PLEKHG1: variants seen among roughly 807,000 people sequenced by gnomAD.
PLEKHG1 encodes the protein pleckstrin homology and RhoGEF domain containing G1.
In PLEKHG1, 44 loss-of-function variants were observed where a neutral mutation model predicts 100.8. That is an observed-to-expected ratio of 0.44 (90% confidence interval 0.34 to 0.56). The LOEUF (loss-of-function observed/expected upper bound fraction) is 0.56. Ranked by LOEUF, PLEKHG1 falls within the 20% of genes least tolerant of loss-of-function variation. PLEKHG1 has a pLI of 0.01. For synonymous variants in PLEKHG1, 640 were observed against 662.5 expected (o/e 0.97, Z 0.52); for missense variants, 1,545 against 1,720.9 (o/e 0.90, Z 1.81).
chr6:150,786,335 G>T (rs1046035093), intron 3 of PLEKHG1, 55 bp from the exon 5 acceptor site: 3 of 1,109,168 alleles, frequency 2.7e-6, no homozygotes, highest in African/African-American at 3.1e-5. Flanking sequence ...TATACAAAAT[G>T]TACTCACCCA....
chr6:150,707,641 C>T (rs1347371018), intron 3 of PLEKHG1, among the ~76,000 whole-genome samples: 1 of 152,028 alleles, frequency 6.6e-6, no homozygotes, highest in Non-Finnish European at 1.5e-5. Context: ...TTTTTTGGCA[C>T]CCCAACCCCA....
At chr6:150,807,698 G>A (rs1399925441) in intron 7 of PLEKHG1, among the ~76,000 whole-genome samples, 3 of 152,168 alleles carry the variant, frequency 2.0e-5, no homozygotes, top group Admixed American at 6.5e-5. Flanking sequence ...TCTAGGCCAG[G>A]CGCCGGGGCT....
intron 3 of PLEKHG1, among the ~76,000 whole-genome samples, chr6:150,700,936 GCTTGT>G (rs1223074183): frequency 0.033 from 5,085 of 152,174 alleles, 269 homozygotes; most frequent in African/African-American, 0.12. Flanking sequence ...GGGGGTTATA[GCTTGT>G]ATAGCTTTAT....
chr6:150,644,079 G>A (rs1338610743), intron 2 of PLEKHG1, among the ~76,000 whole-genome samples: 1 of 151,944 alleles, frequency 6.6e-6, no homozygotes, highest in African/African-American at 2.4e-5. Context: ...CGAATTTTGA[G>A]GTATTTAAAT....
At chr6:150,823,313 A>G (rs1776409714) in intron 13 of PLEKHG1, among the ~76,000 whole-genome samples, 1 of 152,236 alleles carries the variant, frequency 6.6e-6, no homozygotes, top group South Asian at 2.1e-4. Flanking sequence ...ATCTTTACAT[A>G]ATTGTCATGG....
chr6:150,641,876 C>CAAAAAAAA (rs71554473), intron 2 of PLEKHG1, among the ~76,000 whole-genome samples: 1,581 of 76,698 alleles, frequency 0.021, 2 homozygotes, highest in East Asian at 0.034. Flanking sequence ...TGTGAAAAGG[C>CAAAAAAAA]AAAAAAAAAA....
chr6:150,614,708 C>T (rs755494414), intron 1 of PLEKHG1, among the ~76,000 whole-genome samples: 60 of 152,186 alleles, frequency 3.9e-4, no homozygotes, highest in African/African-American at 1.4e-3. Flanking sequence ...CTCTCTCATT[C>T]GCTCTTTAGG....
chr6:150,777,267 C>T (rs570010879), intron 3 of PLEKHG1, among the ~76,000 whole-genome samples: 1 of 148,724 alleles, frequency 6.7e-6, no homozygotes, highest in Non-Finnish European at 1.5e-5. Context: ...TCCTGGTGCA[C>T]ATGTGCGGTT....
At chr6:150,702,921 C>T (rs190826926) in intron 3 of PLEKHG1, among the ~76,000 whole-genome samples, 70 of 152,258 alleles carry the variant, frequency 4.6e-4, no homozygotes, top group Admixed American at 2.6e-3. Context: ...CACTTCCTCC[C>T]GTGGGCTAGC....
intron 13 of PLEKHG1, among the ~76,000 whole-genome samples, chr6:150,821,498 A>G (rs916249475): frequency 5.3e-5 from 8 of 152,116 alleles, no homozygotes; most frequent in Non-Finnish European, 1.2e-4. Context: ...AGCCTGGCCA[A>G]CATGGTGAAA....
At chr6:150,715,105 C>T (rs945946323) in intron 3 of PLEKHG1, among the ~76,000 whole-genome samples, 1 of 151,968 alleles carries the variant, frequency 6.6e-6, no homozygotes, top group Non-Finnish European at 1.5e-5. Context: ...GGCCTACTGA[C>T]AGGTATTTTT....
At position 150,831,938 on chromosome 6, in the gene PLEKHG1, A is replaced by G. The variant is rs771458348; in HGVS notation, c.2827A>G (p.Met943Val). ...TTCTCTGGCTAGTGAAATGCCCCTC[A>G]TGGACAATCCCTACGACCTGGCCAA... The change falls in exon 15 of 16, where the codon ATG becomes GTG. Residue 943 changes from methionine to valine, a missense_variant. By Grantham distance (21) the Met-to-Val change is conservative (BLOSUM62 1). Transcript: ENST00000358517. This position sits in a 1 kb window ranked among gnomAD's most constrained non-coding sequence, Gnocchi z 4.1. 2 of 1,614,000 alleles carry G rather than the reference A, an allele frequency of 1.2e-6. No homozygotes were observed. The highest frequency in any genetic ancestry group is 4.5e-5 in the East Asian group (2 of 44,882).
At chr6:150,674,102 A>G (rs1357222033) in intron 3 of PLEKHG1, among the ~76,000 whole-genome samples, 1 of 152,194 alleles carries the variant, frequency 6.6e-6, no homozygotes, top group Admixed American at 6.5e-5. Context: ...GTATCAGCCT[A>G]TCAGTGTTTA....
chr6:150,764,560 A>G (rs1184159608), intron 2 of PLEKHG1, among the ~76,000 whole-genome samples: 1 of 152,112 alleles, frequency 6.6e-6, no homozygotes, highest in Non-Finnish European at 1.5e-5. Context: ...CCCCACCCTC[A>G]AGGGTCTGTG....
intron 3 of PLEKHG1, among the ~76,000 whole-genome samples, chr6:150,698,486 A>G (rs76154200): frequency 0.12 from 10,649 of 89,108 alleles, 455 homozygotes; most frequent in South Asian, 0.26. Context: ...GCGTGTGTAT[A>G]CAATACTATA....
chr6:150,676,579 C>T (rs895061733), intron 3 of PLEKHG1, among the ~76,000 whole-genome samples: 6 of 152,090 alleles, frequency 3.9e-5, no homozygotes, highest in South Asian at 2.1e-4. Flanking sequence ...TTTATCCCGA[C>T]GGTGTCATGA....
intron 1 of PLEKHG1, among the ~76,000 whole-genome samples, chr6:150,637,831 A>G (rs1778075288): frequency 6.6e-6 from 1 of 152,230 alleles, no homozygotes; most frequent in South Asian, 2.1e-4. Flanking sequence ...TTTTCTCCCC[A>G]CTAATATTAA....
chr6:150,620,191 G>A (rs149336309), intron 1 of PLEKHG1, among the ~76,000 whole-genome samples: 89 of 151,980 alleles, frequency 5.9e-4, no homozygotes, highest in South Asian at 5.0e-3. Context: ...GGGGATTTTC[G>A]TGTGGGTGAA....
chr6:150,639,952 C>T (rs275344), intron 2 of PLEKHG1, among the ~76,000 whole-genome samples: 40,521 of 152,126 alleles, frequency 0.27, 5,419 homozygotes, highest in South Asian at 0.33. Flanking sequence ...GAGGTTTCTA[C>T]GCAACTCTGT....
Sources: gnomAD v4.1 joint callset for allele counts (sites outside exome capture counted in the v4.1 genomes callset) on GRCh38, gnomAD v4.1.1 for gene constraint, Gnocchi (gnomAD v3.1) non-coding constraint, MANE v1.5 for transcripts, NCBI Gene and HGNC (gene_info 2026-07-23, HGNC 2026-07-21) for gene names.